The following RUNX1 variants were observed in gnomAD, a reference collection of about 807,000 sequenced individuals.
RUNX1 encodes the protein RUNX family transcription factor 1.
In RUNX1, 19 loss-of-function variants were observed where a neutral mutation model predicts 42.8. The observed-to-expected ratio is 0.44, with a 90% confidence interval of 0.31 to 0.65. The LOEUF (loss-of-function observed/expected upper bound fraction) is 0.65, where lower values mean the gene tolerates loss of function less well. RUNX1 is among the 30% of genes least tolerant of loss of function. The probability of loss-of-function intolerance (pLI) is 0.07; values close to 1 mark genes in which losing one functional copy is unlikely to be tolerated. For missense variants in RUNX1, 528 were observed against 672.0 expected (o/e 0.79, Z 2.37); for synonymous variants, 271 against 289.4 (o/e 0.94, Z 0.64).
At chr21:35,020,040 A>G (rs577699246) in intron 2 of RUNX1, among the ~76,000 whole-genome samples, 4 of 152,160 alleles carry the variant, frequency 2.6e-5, no homozygotes, top group African/African-American at 9.7e-5. Context: ...GGGTTTCCCA[A>G]TTCCAGATAT....
intron 2 of RUNX1, among the ~76,000 whole-genome samples, chr21:35,043,120 T>C (rs1240069867): frequency 1.3e-5 from 2 of 152,188 alleles, no homozygotes. Flanking sequence ...AGCCCTGTTT[T>C]GTGTTCAAGA....
chr21:34,958,117 T>C (rs1601608376), intron 2 of RUNX1, among the ~76,000 whole-genome samples: 1 of 152,106 alleles, frequency 6.6e-6, no homozygotes, highest in East Asian at 1.9e-4. Context: ...TAAAGGGCTG[T>C]CTAACAGGCT....
intron 2 of RUNX1, among the ~76,000 whole-genome samples, chr21:35,041,171 G>T (rs895574331): frequency 6.6e-6 from 1 of 152,158 alleles, no homozygotes; most frequent in Non-Finnish European, 1.5e-5. Context: ...GTATTCTAAC[G>T]CCCAGAAGTA....
chr21:34,834,682 C>T, intron 6 of RUNX1, 81 bp from the exon 7 acceptor site: 1 of 1,277,776 alleles, frequency 7.8e-7, no homozygotes, highest in Non-Finnish European at 1.1e-6. Flanking sequence ...TTGTGGATTT[C>T]CTAAAACTGG....
chr21:34,936,921 T>C (rs1455630170), intron 2 of RUNX1, among the ~76,000 whole-genome samples: 1 of 152,156 alleles, frequency 6.6e-6, no homozygotes, highest in African/African-American at 2.4e-5. Flanking sequence ...GGGGTTAATT[T>C]GATTTAAAAA....
At chr21:34,850,054 C>G (rs920615222) in intron 6 of RUNX1, among the ~76,000 whole-genome samples, 3 of 152,000 alleles carry the variant, frequency 2.0e-5, no homozygotes, top group African/African-American at 7.3e-5. Context: ...AAAACTGAAG[C>G]CTTTGAGAAA....
chr21:35,002,890 T>C (rs1389307997), intron 2 of RUNX1, among the ~76,000 whole-genome samples: 1 of 152,148 alleles, frequency 6.6e-6, no homozygotes, highest in East Asian at 1.9e-4. Flanking sequence ...GTAAAATGTA[T>C]GAGAAAAACC....
intron 7 of RUNX1, among the ~76,000 whole-genome samples, chr21:34,810,993 C>T (rs974617534): frequency 1.3e-5 from 2 of 152,200 alleles, no homozygotes; most frequent in Non-Finnish European, 2.9e-5. Flanking sequence ...TGCAGAGCAG[C>T]AGCCTCCTCC....
intron 2 of RUNX1, among the ~76,000 whole-genome samples, chr21:34,895,770 T>C (rs1403184112): frequency 6.6e-6 from 1 of 152,084 alleles, no homozygotes; most frequent in African/African-American, 2.4e-5. Flanking sequence ...GATAGGTCAT[T>C]GGAAGCACAA....
intron 2 of RUNX1, among the ~76,000 whole-genome samples, chr21:35,018,631 G>A (rs1163341238): frequency 6.6e-6 from 1 of 152,180 alleles, no homozygotes; most frequent in Non-Finnish European, 1.5e-5. Flanking sequence ...TTAACTTGGG[G>A]GAATTAAATA....
At chr21:34,829,603 A>G (rs1258090073) in intron 7 of RUNX1, among the ~76,000 whole-genome samples, 2 of 152,222 alleles carry the variant, frequency 1.3e-5, no homozygotes, top group African/African-American at 2.4e-5. Flanking sequence ...TTCACCTGTC[A>G]TGTTTATAGC....
At chr21:34,828,580 T>C (rs1013660538) in intron 7 of RUNX1, among the ~76,000 whole-genome samples, 2 of 152,220 alleles carry the variant, frequency 1.3e-5, no homozygotes, top group South Asian at 4.1e-4. Flanking sequence ...TGGAATGCTA[T>C]GGTTTGAATG....
chr21:34,854,349 CAG>C (rs1439504344), intron 6 of RUNX1, among the ~76,000 whole-genome samples: 1 of 151,968 alleles, frequency 6.6e-6, no homozygotes, highest in Non-Finnish European at 1.5e-5. Flanking sequence ...AAAAATCAGA[CAG>C]AAAGAAAGCT....
chr21:35,010,625 G>GCGCACACA (rs376461042), intron 2 of RUNX1, among the ~76,000 whole-genome samples: 1 of 143,624 alleles, frequency 7.0e-6, no homozygotes, highest in African/African-American at 2.5e-5. Context: ...ACACACACAC[G>GCGCACACA]CACACACACA....
rs1376894886 is a variant in RUNX1, at chr21:34,799,440, G to A, written c.828C>T (p.Ser276=). The A allele has an allele frequency of 6.2e-7, 1 of 1,614,096 alleles. No homozygotes were observed. Among genetic ancestry groups the A allele is most frequent in the Non-Finnish European group, 8.5e-7 (1 of 1,179,974 alleles). ...AGGACTGATCGTAGGACCACGGTGG[G>A]GATGGTTGGATCTGCCTTGTATCTG... ...QMQDTRQIQP[S]PPWSYDQSYQ... The change falls in exon 8 of 9, where the codon TCC becomes TCT. Residue 276 remains serine (S), a synonymous_variant. Coordinates refer to ENST00000675419, the MANE Select transcript of RUNX1 (RefSeq NM_001754.5).
At chr21:34,865,627 A>T (rs1019531332) in intron 5 of RUNX1, among the ~76,000 whole-genome samples, 1 of 152,136 alleles carries the variant, frequency 6.6e-6, no homozygotes, top group Non-Finnish European at 1.5e-5. Context: ...GTCAGCGGGG[A>T]GGCCCCAGGT....
At chr21:34,801,574 ACTTAG>A (rs140420303) in intron 7 of RUNX1, among the ~76,000 whole-genome samples, 94 of 152,234 alleles carry the variant, frequency 6.2e-4, no homozygotes, top group African/African-American at 2.1e-3. Context: ...TCACACCATA[ACTTAG>A]CTTTTCAGGT....
chr21:35,030,861 C>T (rs1032616847), intron 2 of RUNX1, among the ~76,000 whole-genome samples: 7 of 152,064 alleles, frequency 4.6e-5, no homozygotes, highest in Admixed American at 1.3e-4. Context: ...ACATAAAGAA[C>T]TCAAACAACT....
At chr21:34,935,091 G>A (rs2058475430) in intron 2 of RUNX1, among the ~76,000 whole-genome samples, 1 of 152,074 alleles carries the variant, frequency 6.6e-6, no homozygotes, top group Non-Finnish European at 1.5e-5. Context: ...GTTTTGAAGA[G>A]TGAAATTAAT....
Sources: gnomAD v4.1 joint callset for allele counts (sites outside exome capture counted in the v4.1 genomes callset) on GRCh38, gnomAD v4.1.1 for gene constraint, MANE v1.5 for transcripts, NCBI Gene and HGNC (gene_info 2026-07-23, HGNC 2026-07-21) for gene names.